The following SPATA31C1 variants were observed in gnomAD, a reference collection of about 807,000 sequenced individuals.
The protein encoded by SPATA31C1 is SPATA31 subfamily C member 1, also known as spermatogenesis-associated protein 31C1.
At chr9:87,919,307 G>A (rs371656542) in exon 3 of SPATA31C1, 2 of 1,447,144 alleles carry the variant, frequency 1.4e-6, no homozygotes, top group Non-Finnish European at 1.8e-6. Flanking sequence ...ACAGGGCGGA[G>A]GGGGAGGCCC....
chr9:87,922,774 T>G, exon 5 of SPATA31C1: 2 of 1,606,188 alleles, frequency 1.2e-6, no homozygotes, highest in Non-Finnish European at 1.7e-6. Flanking sequence ...AGCCCAATGT[T>G]TCCCCCTACT....
At chr9:87,921,121 G>A in exon 5 of SPATA31C1, 4 of 1,611,756 alleles carry the variant, frequency 2.5e-6, no homozygotes, top group East Asian at 2.2e-5. Flanking sequence ...CACCCTGAAA[G>A]GCCTTTGTTG....
At chr9:87,922,223 C>A (rs769351466) in exon 5 of SPATA31C1, 4 of 1,613,318 alleles carry the variant, frequency 2.5e-6, no homozygotes, top group Non-Finnish European at 3.4e-6. Context: ...GACAGGAGGG[C>A]AGGTGGCCAT....
exon 5 of SPATA31C1, chr9:87,922,458 G>A (rs1347653311): frequency 6.2e-7 from 1 of 1,610,518 alleles, no homozygotes; most frequent in Admixed American, 1.7e-5. Flanking sequence ...TGTCTCCCAA[G>A]ACCCAAGAAA....
chr9:87,923,651 T>C (rs559926963), downstream of SPATA31C1: 109 of 662,988 alleles, frequency 1.6e-4, no homozygotes, highest in Non-Finnish European at 2.5e-4. Flanking sequence ...ATACGGTTTT[T>C]TATTCATAAG....
At chr9:87,920,154 G>C in intron 4 of SPATA31C1, 98 bp from the exon 4 acceptor site, 1 of 1,601,892 alleles carries the variant, frequency 6.2e-7, no homozygotes, top group Admixed American at 1.7e-5. Context: ...GTGGTGGAGA[G>C]GGTGTGGCGT....
At chr9:87,917,425 AAAAAAAAT>A (rs1367146592) in intron 1 of SPATA31C1, 7 of 114,486 alleles carry the variant, frequency 6.1e-5, no homozygotes, top group South Asian at 3.4e-4. Context: ...TCAAAAAAAT[AAAAAAAAT>A]AAAAAAAAAG....
intron 2 of SPATA31C1, 99 bp from the exon 2 acceptor site, chr9:87,919,156 A>G: frequency 1.3e-6 from 2 of 1,550,738 alleles, no homozygotes. Context: ...CTCCCTGAGC[A>G]AGACAGACAG....
At chr9:87,922,513 T>G (rs746617600) in exon 5 of SPATA31C1, 1 of 1,605,906 alleles carries the variant, frequency 6.2e-7, no homozygotes, top group South Asian at 1.1e-5. Context: ...GAGCCTGGAA[T>G]GGCCACGAAG....
exon 5 of SPATA31C1, chr9:87,921,135 A>C (rs1336454988): frequency 6.2e-7 from 1 of 1,611,704 alleles, no homozygotes; most frequent in African/African-American, 1.3e-5. Context: ...TTTGTTGAGG[A>C]AACAACTAGA....
exon 5 of SPATA31C1, chr9:87,921,178 A>C (rs1005367732): frequency 6.2e-7 from 1 of 1,611,768 alleles, no homozygotes; most frequent in Non-Finnish European, 8.5e-7. Flanking sequence ...AGGGTCCAAA[A>C]ATCTCAGGAC....
exon 5 of SPATA31C1, chr9:87,921,679 G>C: frequency 6.2e-7 from 1 of 1,612,040 alleles, no homozygotes; most frequent in South Asian, 1.1e-5. Context: ...AGAAAGTTGG[G>C]CCAGACCAAC....
chr9:87,923,168 A>G lies in SPATA31C1; in HGVS notation n.3558A>G, dbSNP rs759922870. On this transcript the variant is annotated non_coding_transcript_exon_variant, in exon 5 of 5. Coordinates refer to ENST00000420021, the Ensembl canonical transcript of SPATA31C1. ...GCCATGCCTCGAAGGTAAATCAGCA[A>G]AGACAGCAGTTTCAAGCCCCAGTCT... The G allele has an allele frequency of 1.9e-6, 3 of 1,603,370 alleles. No individual in the cohort carries two copies. In the South Asian group the frequency reaches 3.3e-5, roughly 18 times the overall value.
At chr9:87,922,273 A>C (rs1429535147) in exon 5 of SPATA31C1, 15 of 1,612,532 alleles carry the variant, frequency 9.3e-6, no homozygotes, top group Non-Finnish European at 1.2e-5. Flanking sequence ...AGCACCCAGC[A>C]GAGCAGGAGC....
chr9:87,916,592 A>G (rs1828725519), intron 1 of SPATA31C1, among the ~76,000 whole-genome samples: 1 of 150,474 alleles, frequency 6.6e-6, no homozygotes, highest in African/African-American at 2.4e-5. Context: ...GGCTAAAGGC[A>G]TGAACCGATA....
chr9:87,920,861 G>A, exon 5 of SPATA31C1: 3 of 1,613,514 alleles, frequency 1.9e-6, no homozygotes, highest in Non-Finnish European at 2.5e-6. Flanking sequence ...CCCGCCAAAG[G>A]GACACCACAA....
exon 5 of SPATA31C1, chr9:87,922,210 C>T (rs768398210): frequency 6.2e-7 from 1 of 1,613,228 alleles, no homozygotes; most frequent in East Asian, 2.2e-5. Flanking sequence ...GCTCCTACAG[C>T]TGGACAGGAG....
chr9:87,917,287 G>A (rs1380208139), intron 1 of SPATA31C1, among the ~76,000 whole-genome samples: 6 of 146,076 alleles, frequency 4.1e-5, no homozygotes, highest in Non-Finnish European at 9.2e-5. Flanking sequence ...GGTGGTGGTG[G>A]GCGCCTGTAG....
chr9:87,919,021 C>T (rs529821010), intron 2 of SPATA31C1: 93 of 531,400 alleles, frequency 1.8e-4, no homozygotes, highest in African/African-American at 1.7e-3. Flanking sequence ...CCACCTGCCT[C>T]GGCCTCCCAA....
Sources: allele counts gnomAD v4.1 joint callset (sites outside exome capture counted in the v4.1 genomes callset), GRCh38; gene constraint gnomAD v4.1.1; transcripts MANE v1.5; gene names NCBI Gene and HGNC (gene_info 2026-07-23, HGNC 2026-07-21).